CENPC: variants seen among roughly 807,000 people sequenced by gnomAD.
CENPC encodes the protein centromere protein C.
A neutral mutation model predicts 112.1 loss-of-function variants in CENPC; 63 were observed. The observed-to-expected ratio is 0.56, with a 90% CI of 0.46 to 0.69. The LOEUF is 0.69. Ranked by LOEUF, CENPC falls within the 30% of genes least tolerant of loss-of-function variation. The pLI is 0.00. For missense variants in CENPC, 1,000 were observed against 1,103.8 expected (o/e 0.91, Z 1.33); for synonymous variants, 333 against 367.6 (o/e 0.91, Z 1.08).
In CENPC at chr4:67,504,877, G is replaced by T. The variant is rs533969088; in HGVS notation, c.2131+328C>A. ...TTGAAAATAGAGAAAATAGTATAAT[G>T]AACCCAATACAACCATCAACCAGCT... On this transcript the variant is annotated intron_variant, in intron 12 of 18. Transcript: ENST00000273853. Among the ~76,000 whole-genome samples the T allele has an allele frequency of 3.3e-5, 5 of 151,980 alleles. No homozygotes were observed. In the East Asian group the frequency reaches 7.7e-4, roughly 23 times the overall value.
intron 4 of CENPC, 68 bp downstream of exon 4, chr4:67,539,772 T>G: frequency 8.6e-5 from 64 of 744,762 alleles, no homozygotes; most frequent in Non-Finnish European, 1.2e-4. Flanking sequence ...AAAATATACA[T>G]GAGTATATTG....
Position 67,472,580 on chromosome 4 carries a change from C to A in CENPC, c.*25G>T, listed in dbSNP as rs144515314. 7.5e-6 allele frequency: 11 copies of A among 1,459,842 alleles called. No homozygotes were observed. The highest frequency in any genetic ancestry group is 9.9e-6 in the Non-Finnish European group (11 of 1,111,264). 90.4% of individuals were successfully genotyped at this position (1,459,842 alleles called of 1,614,324 possible). Reference sequence around the variant, plus strand: ...TTTTTCACATATACATATATACATACATATATTTAAGGTTGGTTGATCTTT... The same window carrying A: ...TTTTTCACATATACATATATACATAAATATATTTAAGGTTGGTTGATCTTT... On this transcript the variant is annotated 3_prime_UTR_variant, in exon 19 of 19. Transcript: ENST00000273853.
At chr4:67,482,449 C>T (rs529305775) in intron 17 of CENPC, among the ~76,000 whole-genome samples, 8 of 152,316 alleles carry the variant, frequency 5.3e-5, no homozygotes, top group Non-Finnish European at 1.0e-4. Flanking sequence ...CACTTGCACA[C>T]GTACATTTAT....
chr4:67,502,767 T>C (rs1207719527), intron 12 of CENPC, among the ~76,000 whole-genome samples: 1 of 152,184 alleles, frequency 6.6e-6, no homozygotes, highest in Non-Finnish European at 1.5e-5. Context: ...GGTAGTAATA[T>C]TGCCATTCTT....
intron 15 of CENPC, chr4:67,492,616 T>C (rs2109778135): frequency 3.9e-6 from 2 of 510,812 alleles, no homozygotes; most frequent in East Asian, 4.5e-5. Flanking sequence ...AGCTTGGGCA[T>C]AGGAATGGTG....
At position 67,532,263 on chromosome 4, in the gene CENPC, A is replaced by T. The variant is rs569793932; in HGVS notation, c.232-1349T>A. On this transcript the variant is annotated intron_variant, in intron 4 of 18. Coordinates refer to ENST00000273853, the MANE Select transcript of CENPC (RefSeq NM_001812.4). ...CAGGAAACAACAGGTGCTGGAGAGG[A>T]TGTGGAGAAATAGGAACACTTTTAC... 8.0e-4 allele frequency among the ~76,000 whole-genome samples: 121 copies of T among 152,150 alleles called. 2 individuals are homozygous for T. The highest frequency in any genetic ancestry group is 4.3e-4 in the Non-Finnish European group (29 of 68,010).
chr4:67,473,206 C>T (rs1056641791), intron 18 of CENPC, among the ~76,000 whole-genome samples: 2 of 151,982 alleles, frequency 1.3e-5, no homozygotes, highest in Non-Finnish European at 2.9e-5. Context: ...GCTGGGATTA[C>T]AGGCATGAGC....
chr4:67,495,279 T>C lies in CENPC; in HGVS notation c.2132-67A>G, dbSNP rs536471604. The C allele has an allele frequency of 5.6e-4, 759 of 1,366,814 alleles. 9 individuals carry two copies. The South Asian group carries it at 9.9e-3, about 18-fold the overall frequency. The allele number at this position is 1,366,814 out of a possible 1,614,324, so 84.7% of individuals were successfully genotyped here. On this transcript the variant is annotated intron_variant, in intron 12 of 18. Coordinates refer to ENST00000273853, the MANE Select transcript of CENPC (RefSeq NM_001812.4). ...ATTCCATGTTAAATTAAAATGTGTT[T>C]CCTGGTCAATTTCAGTATGAGTATT...
intron 12 of CENPC, among the ~76,000 whole-genome samples, chr4:67,496,454 G>T (rs1460739090): frequency 6.6e-6 from 1 of 152,142 alleles, no homozygotes; most frequent in Non-Finnish European, 1.5e-5. Flanking sequence ...CAATGTCCAT[G>T]AACCACCTAA....
chr4:67,545,254 A>G, intron 1 of CENPC, 84 bp downstream of exon 1: 1 of 1,328,712 alleles, frequency 7.5e-7, no homozygotes, highest in Non-Finnish European at 1.0e-6. Flanking sequence ...GCCTCAGCCT[A>G]GCATTTCCTT....
chr4:67,505,422 AAAAT>A, intron 11 of CENPC, 138 bp from the exon 12 acceptor site: 1 of 619,082 alleles, frequency 1.6e-6, no homozygotes. Flanking sequence ...CAAGTCATCA[AAAAT>A]ATATAGTCAT....
intron 12 of CENPC, among the ~76,000 whole-genome samples, chr4:67,496,774 G>T (rs1306775204): frequency 1.3e-5 from 2 of 152,014 alleles, no homozygotes; most frequent in Admixed American, 6.5e-5. Context: ...GTTATGAAAA[G>T]GTTCTAACAT....
intron 17 of CENPC, among the ~76,000 whole-genome samples, chr4:67,489,197 TACAC>T (rs33944071): frequency 8.2e-4 from 121 of 147,828 alleles, no homozygotes; most frequent in Middle Eastern, 3.4e-3. Context: ...CTGTTATACA[TACAC>T]ACACACACAC....
chr4:67,511,902 T>C (rs2109801600), intron 9 of CENPC: 1 of 152,776 alleles, frequency 6.5e-6, no homozygotes, highest in South Asian at 2.1e-4. Flanking sequence ...TTGCACTGCA[T>C]CCTTTCACTG....
chr4:67,530,228 G>T (rs190274084), intron 5 of CENPC, among the ~76,000 whole-genome samples: 1 of 152,196 alleles, frequency 6.6e-6, no homozygotes, highest in Admixed American at 6.5e-5. Flanking sequence ...TAAACATAAA[G>T]GTGCTCAAAC....
In CENPC at chr4:67,492,224, G is replaced by A. The variant is rs780094927; in HGVS notation, c.2471C>T (p.Pro824Leu). The A allele has an allele frequency of 1.3e-6, 2 of 1,569,588 alleles. No homozygotes were observed. Among genetic ancestry groups the A allele is most frequent in the African/African-American group, 1.3e-5 (1 of 74,252 alleles). ...TGTTTCTGGGTCCTTTACCCTCGTT[G>A]GCTGCAAAGGATCTCCAAGAGGTAT... is the stretch of plus-strand genomic sequence containing the variant. ...LGIPLGDPLQ[P>L]TRVKDPETRE... is the part of the protein sequence containing the mutation. Residue 824 changes from proline (P) to leucine (L), a missense_variant, in exon 16 of 19, where the codon CCA becomes CTA. Physicochemically the swap from Pro to Leu is moderately conservative, Grantham distance 98 (BLOSUM62 -3). Transcript: ENST00000273853.
At chr4:67,505,139 A>G in intron 12 of CENPC, 66 bp downstream of exon 12, 1 of 1,129,306 alleles carries the variant, frequency 8.9e-7, no homozygotes, top group South Asian at 1.4e-5. Context: ...TAAACAAAAC[A>G]TAGCACTCCT....
intron 17 of CENPC, among the ~76,000 whole-genome samples, chr4:67,486,558 G>A (rs1401362299): frequency 2.6e-5 from 4 of 152,132 alleles, no homozygotes; most frequent in Non-Finnish European, 4.4e-5. Context: ...CTCAATCAAG[G>A]TGATTTTGCC....
chr4:67,536,247 A>G (rs1442826429), intron 4 of CENPC, among the ~76,000 whole-genome samples: 1 of 152,202 alleles, frequency 6.6e-6, no homozygotes, highest in Non-Finnish European at 1.5e-5. Flanking sequence ...CAAGAAAATT[A>G]TAAAATGTCA....
Sources: gnomAD v4.1 joint callset for allele counts (sites outside exome capture counted in the v4.1 genomes callset) on GRCh38, gnomAD v4.1.1 for gene constraint, MANE v1.5 for transcripts, NCBI Gene and HGNC (gene_info 2026-07-23, HGNC 2026-07-21) for gene names.